Variants in ZMIZ1 observed in about 807,000 individuals in gnomAD.
ZMIZ1 encodes the protein zinc finger MIZ-type containing 1, also known as zinc finger MIZ domain-containing protein 1.
A neutral mutation model predicts 113.9 loss-of-function variants in ZMIZ1; 17 were observed. That is an observed-to-expected ratio of 0.15 (90% confidence interval 0.10 to 0.22). ZMIZ1 has a LOEUF of 0.22. Ranked by LOEUF, ZMIZ1 falls within the 10% of genes least tolerant of loss-of-function variation. ZMIZ1 has a pLI of 1.00. For synonymous variants in ZMIZ1, 607 were observed against 603.1 expected (o/e 1.01, Z -0.09); for missense variants, 1,059 against 1,477.8 (o/e 0.72, Z 4.65).
intron 7 of ZMIZ1, among the ~76,000 whole-genome samples, chr10:79,229,842 G>A (rs1849325114): frequency 6.6e-6 from 1 of 152,200 alleles, no homozygotes; most frequent in South Asian, 2.1e-4. Context: ...ACTTCCAGCA[G>A]GAAGTTTCCA....
rs755780886 is a variant in ZMIZ1, at chr10:79,306,184, C to T, written c.2508C>T (p.Asp836=). Residue 836 remains aspartate, a synonymous_variant, in exon 22 of 25, where the codon GAC becomes GAT. Coordinates refer to ENST00000334512, the MANE Select transcript of ZMIZ1 (RefSeq NM_020338.4). ...AGTCGGACTTACACATCAAGGACGA[C>T]CCTGATGGCATCCCCTCCAAGCGGT... ...PIKSDLHIKD[D]PDGIPSKRFK... 1.2e-6 allele frequency: 2 copies of T among 1,614,158 alleles called. No individual in the cohort carries two copies. The highest frequency in any genetic ancestry group is 1.7e-6 in the Non-Finnish European group (2 of 1,180,020).
intron 1 of ZMIZ1, among the ~76,000 whole-genome samples, chr10:79,112,564 A>C (rs955217515): frequency 6.6e-6 from 1 of 152,072 alleles, no homozygotes; most frequent in African/African-American, 2.4e-5. Flanking sequence ...AGGGGCCTGG[A>C]ATGTGTATCT....
At chr10:79,288,028 T>C (rs1012112358) in intron 8 of ZMIZ1, among the ~76,000 whole-genome samples, 1 of 152,160 alleles carries the variant, frequency 6.6e-6, no homozygotes, top group Non-Finnish European at 1.5e-5. Flanking sequence ...TCCAGCGATC[T>C]CAGACAGGAA....
At position 79,316,149 on chromosome 10, in the gene ZMIZ1, C is replaced by G. The variant is rs902282953; in HGVS notation, c.*3400C>G. 1 of 152,654 alleles carries G rather than the reference C, an allele frequency of 6.6e-6. No homozygotes were observed. Among genetic ancestry groups the G allele is most frequent in the African/African-American group, 2.4e-5 (1 of 41,442 alleles). The allele number at this position is 152,654 out of a possible 1,614,324, so 9.5% of individuals were successfully genotyped here. On this transcript the variant is annotated 3_prime_UTR_variant, in exon 25 of 25. Coordinates refer to ENST00000334512, the MANE Select transcript of ZMIZ1 (RefSeq NM_020338.4). ...TTTGTATAATTTTTGATATCATGAT[C>G]ACAGGTGATTCACACGTACACACAT...
intron 1 of ZMIZ1, among the ~76,000 whole-genome samples, chr10:79,104,959 G>A (rs1188316695): frequency 6.9e-6 from 1 of 144,226 alleles, no homozygotes; most frequent in Non-Finnish European, 1.5e-5. Flanking sequence ...GGGTGTGTGT[G>A]TGTGTGTGTG....
chr10:79,175,207 A>G (rs1474186164), intron 4 of ZMIZ1, among the ~76,000 whole-genome samples: 1 of 152,138 alleles, frequency 6.6e-6, no homozygotes, highest in Non-Finnish European at 1.5e-5. Context: ...TCATGACCCA[A>G]AAGAAACCCC....
At chr10:79,130,770 A>G (rs1459689084) in intron 2 of ZMIZ1, among the ~76,000 whole-genome samples, 1 of 152,140 alleles carries the variant, frequency 6.6e-6, no homozygotes, top group Non-Finnish European at 1.5e-5. Flanking sequence ...CCTTCACAGG[A>G]TAGTGGGATT....
chr10:79,159,739 A>G (rs918826194), intron 3 of ZMIZ1, among the ~76,000 whole-genome samples: 6 of 152,168 alleles, frequency 3.9e-5, no homozygotes, highest in African/African-American at 1.2e-4. Flanking sequence ...AGGGTGGTCC[A>G]ATGCAGGCTC....
chr10:79,285,858 G>T (rs1399812695), intron 8 of ZMIZ1, among the ~76,000 whole-genome samples: 1 of 152,246 alleles, frequency 6.6e-6, no homozygotes, highest in Non-Finnish European at 1.5e-5. Flanking sequence ...CTTTGGAAGA[G>T]CCTGGAAAGG....
intron 2 of ZMIZ1, among the ~76,000 whole-genome samples, chr10:79,122,764 A>C (rs1844354226): frequency 6.6e-6 from 1 of 152,154 alleles, no homozygotes; most frequent in African/African-American, 2.4e-5. Context: ...CAGAGGTACA[A>C]CCATCCTAAG....
chr10:79,190,480 C>CT (rs1847553952), intron 4 of ZMIZ1, among the ~76,000 whole-genome samples: 1 of 152,248 alleles, frequency 6.6e-6, no homozygotes, highest in Admixed American at 6.5e-5. Context: ...GCCATGAGGA[C>CT]TTTTCATTGT....
chr10:79,215,837 C>G (rs1848703699), intron 6 of ZMIZ1, among the ~76,000 whole-genome samples: 1 of 151,996 alleles, frequency 6.6e-6, no homozygotes, highest in Admixed American at 6.6e-5. Context: ...TAGGGCCCAC[C>G]CTAAGGATGG....
chr10:79,207,147 C>T (rs544961735), intron 5 of ZMIZ1, among the ~76,000 whole-genome samples: 1 of 152,324 alleles, frequency 6.6e-6, no homozygotes, highest in African/African-American at 2.4e-5. Flanking sequence ...GGCTCCTAGG[C>T]CCCTCCCTGC....
At chr10:79,126,696 G>A (rs1844525506) in intron 2 of ZMIZ1, among the ~76,000 whole-genome samples, 1 of 152,216 alleles carries the variant, frequency 6.6e-6, no homozygotes, top group South Asian at 2.1e-4. Flanking sequence ...ATGCCCCTGA[G>A]TAGATCACTG....
At position 79,315,987 on chromosome 10, in the gene ZMIZ1, T is replaced by C. The variant is rs918700867; in HGVS notation, c.*3238T>C. Reference sequence around the variant, plus strand: ...TCTGACCCTGAGTGGAAAGGGGTTTTTGTTCTGTTTTTATTTTACCTACAT... The same window carrying C: ...TCTGACCCTGAGTGGAAAGGGGTTTCTGTTCTGTTTTTATTTTACCTACAT... On this transcript the variant is annotated 3_prime_UTR_variant, in exon 25 of 25. Coordinates refer to ENST00000334512, the MANE Select transcript of ZMIZ1 (RefSeq NM_020338.4). The C allele has an allele frequency of 1.3e-5, 2 of 152,918 alleles. No individual in the cohort carries two copies. Among genetic ancestry groups the C allele is most frequent in the African/African-American group, 4.8e-5 (2 of 41,592 alleles). The allele number at this position is 152,918 out of a possible 1,614,324, so 9.5% of individuals were successfully genotyped here.
At chr10:79,201,174 G>A (rs529089039) in intron 4 of ZMIZ1, among the ~76,000 whole-genome samples, 1 of 152,302 alleles carries the variant, frequency 6.6e-6, no homozygotes, top group East Asian at 1.9e-4. Flanking sequence ...CGGGTGTGGT[G>A]GTAGACACCT....
intron 1 of ZMIZ1, among the ~76,000 whole-genome samples, chr10:79,082,879 T>G (rs1267507722): frequency 6.6e-6 from 1 of 152,306 alleles, no homozygotes; most frequent in East Asian, 1.9e-4. Flanking sequence ...GAACAAGGCT[T>G]CCTGGCTGGG....
chr10:79,171,506 G>T (rs1348579209), intron 4 of ZMIZ1, among the ~76,000 whole-genome samples: 2 of 152,234 alleles, frequency 1.3e-5, no homozygotes, highest in Non-Finnish European at 2.9e-5. Context: ...ACTCAGTAAG[G>T]CAGCAGTATT....
chr10:79,284,100 G>T (rs887026588), intron 8 of ZMIZ1, among the ~76,000 whole-genome samples: 7 of 152,358 alleles, frequency 4.6e-5, no homozygotes, highest in African/African-American at 1.7e-4. Context: ...ATGAATGTGT[G>T]TGTAGATGCT....
Sources: allele counts gnomAD v4.1 joint callset (sites outside exome capture counted in the v4.1 genomes callset), GRCh38; gene constraint gnomAD v4.1.1; transcripts MANE v1.5; gene names NCBI Gene and HGNC (gene_info 2026-07-23, HGNC 2026-07-21).